SLC25A21: variants seen among roughly 807,000 people sequenced by gnomAD.
SLC25A21 encodes the protein solute carrier family 25 member 21, also known as mitochondrial 2-oxodicarboxylate carrier.
In SLC25A21, 47 loss-of-function variants were observed where a neutral mutation model predicts 43.8. That is an observed-to-expected ratio of 1.07 (90% CI 0.85 to 1.37). The LOEUF is 1.37. Among genes scored for constraint, SLC25A21 ranks in the 40% most tolerant of loss-of-function variants. The pLI is 0.00. For synonymous variants in SLC25A21, 131 were observed against 121.3 expected (o/e 1.08, Z -0.52); for missense variants, 352 against 350.2 (o/e 1.00, Z -0.04).
At chr14:36,921,943 G>A (rs190755423) in intron 1 of SLC25A21, among the ~76,000 whole-genome samples, 97 of 151,924 alleles carry the variant, frequency 6.4e-4, no homozygotes, top group African/African-American at 1.9e-3. Context: ...TCAGGAGTTC[G>A]AGACCAGCCT....
intron 2 of SLC25A21, among the ~76,000 whole-genome samples, chr14:36,849,003 T>G (rs1171750109): frequency 6.6e-6 from 1 of 152,192 alleles, no homozygotes; most frequent in Non-Finnish European, 1.5e-5. Flanking sequence ...GGATATTCTC[T>G]TAATTCTGTG....
At chr14:37,147,809 T>C (rs1374836343) in intron 1 of SLC25A21, among the ~76,000 whole-genome samples, 1 of 150,956 alleles carries the variant, frequency 6.6e-6, no homozygotes, top group Non-Finnish European at 1.5e-5. Context: ...TTCTCACACA[T>C]GGTAACTATA....
At chr14:36,749,632 C>T (rs1438953358) in intron 3 of SLC25A21, among the ~76,000 whole-genome samples, 2 of 152,182 alleles carry the variant, frequency 1.3e-5, no homozygotes, top group African/African-American at 2.4e-5. Context: ...TTAATCACCT[C>T]GTGCTCTGGT....
At chr14:36,778,127 C>T (rs954181559) in intron 3 of SLC25A21, among the ~76,000 whole-genome samples, 1 of 152,162 alleles carries the variant, frequency 6.6e-6, no homozygotes, top group Admixed American at 6.5e-5. Context: ...TTCAAGATCC[C>T]TTCAGTGGAC....
intron 2 of SLC25A21, among the ~76,000 whole-genome samples, chr14:36,851,282 T>G (rs1015889966): frequency 1.4e-4 from 22 of 152,186 alleles, no homozygotes; most frequent in Non-Finnish European, 1.8e-4. Flanking sequence ...AGGGAGAGTT[T>G]GGTGAGCTCC....
chr14:37,017,648 G>A lies in SLC25A21; in HGVS notation c.71-142644C>T, dbSNP rs150185575. ...ATTAGTAAAAAAACGCAGTATCTGCGAAGTGCAATAATAAAATGAAGTATG... is the reference window on the plus strand; with the variant it reads ...ATTAGTAAAAAAACGCAGTATCTGCAAAGTGCAATAATAAAATGAAGTATG... On this transcript the variant is annotated intron_variant, in intron 1 of 9. Coordinates refer to ENST00000331299, the MANE Select transcript of SLC25A21 (RefSeq NM_030631.4). 9.5e-3 allele frequency among the ~76,000 whole-genome samples: 1,440 copies of A among 152,144 alleles called. 30 individuals are homozygous for A. The highest frequency in any genetic ancestry group is 0.031 in the African/African-American group (1,293 of 41,536).
intron 1 of SLC25A21, among the ~76,000 whole-genome samples, chr14:37,022,189 A>G (rs2138755421): frequency 1.3e-5 from 2 of 152,092 alleles, no homozygotes; most frequent in South Asian, 4.1e-4. Context: ...TGTACAGCTA[A>G]TATGTAGAGC....
At chr14:36,805,649 T>C (rs554073208) in intron 3 of SLC25A21, among the ~76,000 whole-genome samples, 6 of 151,638 alleles carry the variant, frequency 4.0e-5, no homozygotes, top group South Asian at 2.1e-4. Context: ...TTTAAAACTA[T>C]TGAAATAAGT....
intron 1 of SLC25A21, among the ~76,000 whole-genome samples, chr14:37,153,833 A>C (rs1963800950): frequency 6.6e-6 from 1 of 152,260 alleles, no homozygotes; most frequent in South Asian, 2.1e-4. Flanking sequence ...CTCGACTGCT[A>C]TCTCCTCAGC....
chr14:37,052,269 C>A (rs563318739), intron 1 of SLC25A21, among the ~76,000 whole-genome samples: 21 of 152,278 alleles, frequency 1.4e-4, no homozygotes, highest in African/African-American at 4.8e-4. Context: ...TGAAAAGAGA[C>A]AGTTATAGAA....
intron 1 of SLC25A21, among the ~76,000 whole-genome samples, chr14:37,115,447 G>A (rs1002338915): frequency 3.9e-5 from 6 of 152,134 alleles, no homozygotes; most frequent in African/African-American, 9.7e-5. Context: ...GCCCCTGCAT[G>A]GAAGACACAG....
At chr14:36,725,760 C>T in intron 5 of SLC25A21, 83 bp from the exon 6 acceptor site, 1 of 793,004 alleles carries the variant, frequency 1.3e-6, no homozygotes, top group Non-Finnish European at 1.9e-6. Context: ...CACTATGCAG[C>T]TGAACGTTAT....
At chr14:36,741,406 C>T (rs1200402801) in intron 3 of SLC25A21, among the ~76,000 whole-genome samples, 1 of 152,110 alleles carries the variant, frequency 6.6e-6, no homozygotes, top group Non-Finnish European at 1.5e-5. Flanking sequence ...TAAACTGATA[C>T]ATTAAAGAGA....
chr14:36,983,034 C>T (rs570538736), intron 1 of SLC25A21, among the ~76,000 whole-genome samples: 170 of 152,228 alleles, frequency 1.1e-3, no homozygotes, highest in Admixed American at 2.2e-3. Flanking sequence ...TTGAATAATG[C>T]TCCAAAATTA....
intron 1 of SLC25A21, among the ~76,000 whole-genome samples, chr14:36,966,113 C>T (rs527641117): frequency 1.3e-5 from 2 of 152,286 alleles, no homozygotes; most frequent in East Asian, 3.9e-4. Context: ...AGTGGAAATT[C>T]GCTAGCACTG....
chr14:37,043,077 C>T (rs547521852), intron 1 of SLC25A21, among the ~76,000 whole-genome samples: 1 of 152,318 alleles, frequency 6.6e-6, no homozygotes, highest in Admixed American at 6.5e-5. Context: ...TGGGGTCATT[C>T]TGAAATCCTC....
At chr14:36,962,669 C>T (rs1259328171) in intron 1 of SLC25A21, among the ~76,000 whole-genome samples, 1 of 152,144 alleles carries the variant, frequency 6.6e-6, no homozygotes, top group African/African-American at 2.4e-5. Context: ...CAAACTGCAT[C>T]AAATTTAAAT....
At chr14:36,914,316 T>C (rs1307434148) in intron 1 of SLC25A21, among the ~76,000 whole-genome samples, 7 of 152,164 alleles carry the variant, frequency 4.6e-5, no homozygotes, top group Non-Finnish European at 8.8e-5. Context: ...CATTTTCCAG[T>C]ACTACCCAGT....
intron 3 of SLC25A21, among the ~76,000 whole-genome samples, chr14:36,737,232 C>A (rs989651634): frequency 2.0e-5 from 3 of 152,176 alleles, no homozygotes; most frequent in Admixed American, 6.5e-5. Context: ...GGACTAAAGT[C>A]TTCTAAGTAC....
Sources: allele counts gnomAD v4.1 joint callset (sites outside exome capture counted in the v4.1 genomes callset), GRCh38; gene constraint gnomAD v4.1.1; transcripts MANE v1.5; gene names NCBI Gene and HGNC (gene_info 2026-07-23, HGNC 2026-07-21).